Variants in TRAPPC9 observed in about 807,000 individuals in gnomAD.
The protein encoded by TRAPPC9 is IKK2 binding protein.
In TRAPPC9, 83 loss-of-function variants were observed where a neutral mutation model predicts 124.0. That is an observed-to-expected ratio of 0.67 (90% CI 0.56 to 0.80). The LOEUF is 0.80. TRAPPC9 is among the 30% of genes least tolerant of loss of function. TRAPPC9 has a pLI of 0.00. For synonymous variants in TRAPPC9, 638 were observed against 617.5 expected (o/e 1.03, Z -0.49); for missense variants, 1,302 against 1,508.3 (o/e 0.86, Z 2.27).
At chr8:140,367,250 T>C (rs1436888760) in intron 8 of TRAPPC9, among the ~76,000 whole-genome samples, 1 of 152,172 alleles carries the variant, frequency 6.6e-6, no homozygotes, top group Non-Finnish European at 1.5e-5. Context: ...AAAACTTATA[T>C]CCACACAAAA....
At chr8:139,870,673 G>A (rs1324079334) in intron 21 of TRAPPC9, among the ~76,000 whole-genome samples, 3 of 152,216 alleles carry the variant, frequency 2.0e-5, no homozygotes, top group African/African-American at 7.2e-5. Flanking sequence ...TAGAACAGCT[G>A]TCACAGGACA....
intron 17 of TRAPPC9, among the ~76,000 whole-genome samples, chr8:140,184,150 C>T (rs1459656298): frequency 6.6e-6 from 1 of 152,092 alleles, no homozygotes; most frequent in Non-Finnish European, 1.5e-5. Flanking sequence ...TGAACCTGCA[C>T]AGAAACAGGG....
intron 19 of TRAPPC9, among the ~76,000 whole-genome samples, chr8:139,959,994 G>C (rs1386256620): frequency 6.6e-6 from 1 of 152,216 alleles, no homozygotes; most frequent in East Asian, 1.9e-4. Context: ...GGCTCTCACA[G>C]ACTGAGCACC....
At chr8:140,458,555 C>A, upstream of TRAPPC9, 1 of 1,577,734 alleles carries the variant, frequency 6.3e-7, no homozygotes, top group Admixed American at 1.8e-5. Context: ...TGATCCCCAG[C>A]TGGCACCATG....
intron 17 of TRAPPC9, among the ~76,000 whole-genome samples, chr8:140,211,388 GTC>G (rs1317750835): frequency 1.3e-5 from 2 of 152,070 alleles, no homozygotes; most frequent in Non-Finnish European, 2.9e-5. Context: ...TTGAAATCCT[GTC>G]TCTGCAAAAA....
rs2062224302 is a variant in TRAPPC9, at chr8:140,182,357, T to A, written c.2556+39102A>T. 6.7e-6 allele frequency among the ~76,000 whole-genome samples: 1 copy of A among 150,248 alleles called. No individual in the cohort carries two copies. Among genetic ancestry groups the A allele is most frequent in the African/African-American group, 2.4e-5 (1 of 40,990 alleles). ...AAAAAAAAAAAATACGGCTTGGGAA[T>A]GTTGGCTTCCAAAAGTAACTGCCCA... is the stretch of plus-strand genomic sequence containing the variant. On this transcript the variant is annotated intron_variant, in intron 17 of 22. Coordinates refer to ENST00000438773, the MANE Select transcript of TRAPPC9 (RefSeq NM_001160372.4). This position sits in a 1 kb window ranked among gnomAD's most constrained non-coding sequence, Gnocchi z 4.0.
chr8:139,809,160 AC>A (rs1824264124), intron 21 of TRAPPC9, among the ~76,000 whole-genome samples: 1 of 152,230 alleles, frequency 6.6e-6, no homozygotes, highest in African/African-American at 2.4e-5. Context: ...AATCCACTTA[AC>A]TTGTCCCACT....
intron 19 of TRAPPC9, among the ~76,000 whole-genome samples, chr8:139,982,817 A>C (rs1300088184): frequency 6.6e-6 from 1 of 152,170 alleles, no homozygotes; most frequent in Admixed American, 6.5e-5. Context: ...TAAGAGTGGC[A>C]TTGCTAATTT....
At chr8:140,007,030 C>A (rs1838803643) in intron 18 of TRAPPC9, among the ~76,000 whole-genome samples, 1 of 152,142 alleles carries the variant, frequency 6.6e-6, no homozygotes, top group African/African-American at 2.4e-5. Flanking sequence ...CATTTGAGAT[C>A]CTGAGTGTAC....
At chr8:140,137,350 C>T (rs559498815) in intron 17 of TRAPPC9, among the ~76,000 whole-genome samples, 31 of 151,132 alleles carry the variant, frequency 2.1e-4, no homozygotes, top group African/African-American at 7.2e-4. Flanking sequence ...AGGAGGTCTG[C>T]GTAATTAGTA....
intron 17 of TRAPPC9, among the ~76,000 whole-genome samples, chr8:140,116,898 C>T (rs1254951986): frequency 1.3e-5 from 2 of 150,604 alleles, no homozygotes; most frequent in African/African-American, 4.9e-5. Context: ...AGTGAGTAGG[C>T]GGAGTTCAGT....
intron 21 of TRAPPC9, among the ~76,000 whole-genome samples, chr8:139,763,741 G>T (rs1270369383): frequency 1.3e-5 from 2 of 152,266 alleles, no homozygotes; most frequent in East Asian, 3.8e-4. Context: ...GCTGGAGGCT[G>T]CCACGTGGGT....
At chr8:140,101,694 C>A (rs529725557) in intron 17 of TRAPPC9, among the ~76,000 whole-genome samples, 42 of 151,160 alleles carry the variant, frequency 2.8e-4, no homozygotes, top group African/African-American at 1.0e-3. Context: ...AGGCATGCAC[C>A]ACCACATCCA....
At chr8:140,050,675 T>A (rs913621962) in intron 17 of TRAPPC9, among the ~76,000 whole-genome samples, 8 of 151,920 alleles carry the variant, frequency 5.3e-5, no homozygotes, top group African/African-American at 1.9e-4. Flanking sequence ...TCATGAAATG[T>A]CTATGGAGGA....
intron 9 of TRAPPC9, among the ~76,000 whole-genome samples, chr8:140,331,808 T>C (rs2066901462): frequency 6.6e-6 from 1 of 152,092 alleles, no homozygotes; most frequent in Admixed American, 6.5e-5. Flanking sequence ...ATGGCTGTGA[T>C]CAAAAAGACA....
intron 17 of TRAPPC9, among the ~76,000 whole-genome samples, chr8:140,138,595 C>A (rs552722396): frequency 2.6e-5 from 4 of 152,122 alleles, no homozygotes; most frequent in African/African-American, 4.8e-5. Context: ...CCTGACTGAT[C>A]CCAGAAGGTG....
At chr8:139,982,653 C>A (rs748566305) in intron 19 of TRAPPC9, among the ~76,000 whole-genome samples, 5 of 152,166 alleles carry the variant, frequency 3.3e-5, no homozygotes, top group African/African-American at 4.8e-5. Flanking sequence ...ATCACACATG[C>A]CACAGAAACT....
intron 7 of TRAPPC9, among the ~76,000 whole-genome samples, chr8:140,373,706 T>C (rs533175089): frequency 1.3e-5 from 2 of 152,136 alleles, no homozygotes; most frequent in East Asian, 1.9e-4. Flanking sequence ...CTCACCAGCA[T>C]ATGAGGATAT....
intron 19 of TRAPPC9, among the ~76,000 whole-genome samples, chr8:139,917,281 C>T (rs1832214094): frequency 1.4e-5 from 2 of 146,364 alleles, no homozygotes; most frequent in South Asian, 2.2e-4. Flanking sequence ...TCATGCCATT[C>T]TCCATTCTCC....
Sources: gnomAD v4.1 joint callset for allele counts (sites outside exome capture counted in the v4.1 genomes callset) on GRCh38, gnomAD v4.1.1 for gene constraint, Gnocchi (gnomAD v3.1) non-coding constraint, MANE v1.5 for transcripts, NCBI Gene and HGNC (gene_info 2026-07-23, HGNC 2026-07-21) for gene names.